NEDD4L: variants seen among roughly 807,000 people sequenced by gnomAD.
NEDD4L encodes E3 ubiquitin-protein ligase NEDD4-like.
A neutral mutation model predicts 148.9 loss-of-function variants in NEDD4L; 54 were observed. The ratio of observed to expected loss-of-function variants is 0.36; its 90% CI spans 0.29 to 0.45. The LOEUF (loss-of-function observed/expected upper bound fraction) is 0.45, where lower values mean the gene tolerates loss of function less well. Among genes scored for constraint, NEDD4L ranks in the 20% least tolerant of loss-of-function variants. The pLI is 1.00. For synonymous variants in NEDD4L, 433 were observed against 440.7 expected (o/e 0.98, Z 0.22); for missense variants, 856 against 1,233.8 (o/e 0.69, Z 4.59).
At chr18:58,369,190 G>A (rs1167213786) in intron 22 of NEDD4L, among the ~76,000 whole-genome samples, 2 of 152,202 alleles carry the variant, frequency 1.3e-5, no homozygotes, top group Non-Finnish European at 2.9e-5. Flanking sequence ...GCTGCACCTC[G>A]GAGGTGGGGT....
intron 21 of NEDD4L, among the ~76,000 whole-genome samples, 178 bp from the exon 22 acceptor site, chr18:58,367,568 C>T (rs981737935): frequency 6.6e-6 from 1 of 152,210 alleles, no homozygotes; most frequent in Non-Finnish European, 1.5e-5. Context: ...GCGTCAGCCT[C>T]CATGGTGGGT....
chr18:58,185,497 T>A (rs9748835), intron 2 of NEDD4L, among the ~76,000 whole-genome samples: 2,412 of 152,322 alleles, frequency 0.016, 58 homozygotes, highest in African/African-American at 0.055. Flanking sequence ...TACTACCAGT[T>A]TCTATCACAG....
intron 1 of NEDD4L, among the ~76,000 whole-genome samples, chr18:58,128,305 C>T (rs1393478216): frequency 2.6e-5 from 4 of 152,182 alleles, no homozygotes; most frequent in Non-Finnish European, 5.9e-5. Context: ...CCTCGGCCTC[C>T]CAGCGTGCTC....
At position 58,329,131 on chromosome 18, in the gene NEDD4L, C is replaced by T. The variant is rs540697966; in HGVS notation, c.813+4C>T. The T allele has an allele frequency of 1.6e-5, 26 of 1,613,560 alleles. No individual in the cohort carries two copies. Among genetic ancestry groups the T allele is most frequent in the Non-Finnish European group, 1.7e-5 (20 of 1,179,720 alleles). On this transcript the variant is annotated splice_donor_region_variant and intron_variant, in intron 10 of 30. Coordinates refer to ENST00000400345, the MANE Select transcript of NEDD4L (RefSeq NM_001144967.3). ...GGAGGGCGGGGATGTCCCCGAGGTA[C>T]GATGTCCCCAGAATGGTGCAAAGCC...
At chr18:58,069,660 C>A (rs974638409) in intron 1 of NEDD4L, among the ~76,000 whole-genome samples, 15 of 152,312 alleles carry the variant, frequency 9.8e-5, no homozygotes, top group African/African-American at 2.9e-4. Flanking sequence ...AAATATCCCA[C>A]TGAAATTTCA....
intron 5 of NEDD4L, among the ~76,000 whole-genome samples, chr18:58,275,715 C>T (rs1292681438): frequency 6.6e-6 from 1 of 152,158 alleles, no homozygotes; most frequent in South Asian, 2.1e-4. Context: ...AGCATGGCAC[C>T]CTTAGCACCC....
At position 58,350,807 on chromosome 18, in the gene NEDD4L, C is replaced by T. The variant is rs2043783550; in HGVS notation, c.1654-184C>T. Among the ~76,000 whole-genome samples, 16 of 152,300 alleles carry T rather than the reference C, an allele frequency of 1.1e-4. No homozygotes were observed. The South Asian group carries it at 3.1e-3, about 30-fold the overall frequency. ...TCTGAGACCTGAGCATGTGATAAAG[C>T]GTGTTGCTAGACATGGTCAAGAGTT... On this transcript the variant is annotated intron_variant, in intron 17 of 30. Transcript: ENST00000400345.
rs755005357 is a variant in NEDD4L at position 58,341,052 on chromosome 18, T to C, written c.1140T>C (p.Tyr380=). 1.2e-6 allele frequency: 2 copies of C among 1,610,228 alleles called. No homozygotes were observed. Among genetic ancestry groups the C allele is most frequent in the African/African-American group, 1.3e-5 (1 of 75,014 alleles). ...GGEEPTPSVA[Y]VHTTPGLPSG... is the part of the protein sequence containing the mutation. ...TGCACAAACAGCCATCAGTGGCCTA[T>C]GTACATACCACGCCGGGTCTGCCTT... Residue 380 remains tyrosine, a synonymous_variant, in exon 14 of 31, where the codon TAT becomes TAC. Transcript: ENST00000400345.
intron 2 of NEDD4L, among the ~76,000 whole-genome samples, chr18:58,235,230 C>T (rs1008906815): frequency 3.3e-5 from 5 of 152,024 alleles, no homozygotes; most frequent in Non-Finnish European, 7.4e-5. Context: ...ACTGTCTGTC[C>T]GGTACATTGA....
chr18:58,151,352 GGT>G (rs983060725), intron 1 of NEDD4L, among the ~76,000 whole-genome samples: 4 of 151,990 alleles, frequency 2.6e-5, no homozygotes, highest in African/African-American at 9.7e-5. Context: ...CTTCAGTGTT[GGT>G]CCATTTTCCT....
chr18:58,219,717 C>A (rs1395642494), intron 2 of NEDD4L, among the ~76,000 whole-genome samples: 1 of 152,156 alleles, frequency 6.6e-6, no homozygotes, highest in African/African-American at 2.4e-5. Context: ...AACTTAATTA[C>A]CTCTTTAAAT....
intron 1 of NEDD4L, among the ~76,000 whole-genome samples, chr18:58,086,989 A>C (rs1453570317): frequency 1.3e-5 from 2 of 152,182 alleles, no homozygotes; most frequent in African/African-American, 4.8e-5. Context: ...TAATTCTTTT[A>C]AAAGCATTGT....
chr18:58,236,469 C>G (rs2046033332), intron 2 of NEDD4L, among the ~76,000 whole-genome samples: 1 of 152,218 alleles, frequency 6.6e-6, no homozygotes. Context: ...CCCAGACTCA[C>G]TCATGAGAGG....
chr18:58,245,846 A>ATTTTTTTTTTTTTTT (rs58940181), intron 3 of NEDD4L, among the ~76,000 whole-genome samples: 5 of 91,522 alleles, frequency 5.5e-5, no homozygotes, highest in South Asian at 3.9e-4. Context: ...ATGCCTGGCT[A>ATTTTTTTTTTTTTTT]TTTTTTTTTT....
At chr18:58,188,169 G>A (rs1161489572) in intron 2 of NEDD4L, among the ~76,000 whole-genome samples, 2 of 152,272 alleles carry the variant, frequency 1.3e-5, no homozygotes, top group East Asian at 3.9e-4. Flanking sequence ...TGATGCCCAG[G>A]CCACCCCACA....
chr18:58,246,593 T>C (rs1462890456), intron 3 of NEDD4L, among the ~76,000 whole-genome samples: 1 of 152,108 alleles, frequency 6.6e-6, no homozygotes, highest in Non-Finnish European at 1.5e-5. Context: ...GCTTCCTGAG[T>C]AGCTGAGATT....
At chr18:58,281,440 TTCTG>T (rs2053076842) in intron 5 of NEDD4L, among the ~76,000 whole-genome samples, 1 of 152,154 alleles carries the variant, frequency 6.6e-6, no homozygotes, top group South Asian at 2.1e-4. Flanking sequence ...TTTGTTATCA[TTCTG>T]TCTTTCTGCC....
At chr18:58,196,697 GTT>G (rs1491366465) in intron 2 of NEDD4L, among the ~76,000 whole-genome samples, 1 of 109,800 alleles carries the variant, frequency 9.1e-6, no homozygotes, top group Non-Finnish European at 1.9e-5. Flanking sequence ...CTACTTTTCT[GTT>G]CTCTCTCTCT....
intron 1 of NEDD4L, among the ~76,000 whole-genome samples, chr18:58,159,775 G>A (rs1474765030): frequency 1.3e-5 from 2 of 152,204 alleles, no homozygotes; most frequent in African/African-American, 4.8e-5. Context: ...TTAATGCAGA[G>A]AGTGTTTACC....
Sources: allele counts gnomAD v4.1 joint callset (sites outside exome capture counted in the v4.1 genomes callset), GRCh38; gene constraint gnomAD v4.1.1; transcripts MANE v1.5; gene names NCBI Gene and HGNC (gene_info 2026-07-23, HGNC 2026-07-21).